Variants in STXBP4 observed in about 807,000 individuals in gnomAD.
STXBP4 encodes syntaxin-binding protein 4.
A neutral mutation model predicts 76.1 loss-of-function variants in STXBP4; 55 were observed. The ratio of observed to expected loss-of-function variants is 0.72; its 90% confidence interval spans 0.58 to 0.91. The LOEUF (loss-of-function observed/expected upper bound fraction) is 0.91. Among genes scored for constraint, STXBP4 ranks in the 40% least tolerant of loss-of-function variants. The probability of loss-of-function intolerance (pLI) is 0.00; values close to 1 mark genes in which losing one functional copy is unlikely to be tolerated. For missense variants in STXBP4, 618 were observed against 636.9 expected (o/e 0.97, Z 0.32); for synonymous variants, 201 against 220.2 (o/e 0.91, Z 0.77).
intron 12 of STXBP4, among the ~76,000 whole-genome samples, chr17:55,071,189 G>C (rs1056912882): frequency 2.0e-5 from 3 of 152,098 alleles, no homozygotes; most frequent in Admixed American, 2.0e-4. Context: ...ATTTAAGTCA[G>C]ATCACATCGA....
chr17:55,077,686 C>CGTGTGTGTGTGTGT (rs10690646), intron 13 of STXBP4, among the ~76,000 whole-genome samples: 13 of 134,084 alleles, frequency 9.7e-5, no homozygotes, highest in East Asian at 4.5e-4. Context: ...TGTCTTACAT[C>CGTGTGTGTGTGTGT]GTGTGTGTGT....
chr17:54,978,773 T>C (rs2077506759), intron 1 of STXBP4, among the ~76,000 whole-genome samples: 2 of 152,124 alleles, frequency 1.3e-5, no homozygotes, highest in South Asian at 4.1e-4. Flanking sequence ...AAGAAGGAAA[T>C]AAAAATAACA....
intron 16 of STXBP4, among the ~76,000 whole-genome samples, chr17:55,107,549 A>T (rs536351603): frequency 6.6e-6 from 1 of 152,222 alleles, no homozygotes; most frequent in South Asian, 2.1e-4. Context: ...GCCTTTTTGC[A>T]CTGGTTTTTC....
intron 8 of STXBP4, among the ~76,000 whole-genome samples, chr17:55,010,380 TTTC>T (rs1185081688): frequency 1.6e-4 from 25 of 152,122 alleles, no homozygotes; most frequent in Admixed American, 1.2e-3. Context: ...GAACTAGTTA[TTTC>T]TTAATTCCTT....
chr17:55,046,868 C>T (rs776847460), intron 11 of STXBP4, among the ~76,000 whole-genome samples: 2 of 151,684 alleles, frequency 1.3e-5, no homozygotes, highest in Non-Finnish European at 2.9e-5. Context: ...TGAGATTTTG[C>T]AAAATTAAGG....
chr17:55,040,929 A>T (rs1320341105), intron 10 of STXBP4, among the ~76,000 whole-genome samples: 1 of 152,216 alleles, frequency 6.6e-6, no homozygotes, highest in African/African-American at 2.4e-5. Flanking sequence ...ATGGAACTAT[A>T]CAAAAAAGTC....
chr17:55,177,686 T>G (rs1367873955), downstream of STXBP4, among the ~76,000 whole-genome samples: 2 of 152,230 alleles, frequency 1.3e-5, no homozygotes, highest in Non-Finnish European at 2.9e-5. Flanking sequence ...CAGGAATTGA[T>G]GAATGGCTGA....
chr17:55,142,103 G>A (rs758949668), intron 17 of STXBP4, among the ~76,000 whole-genome samples: 13 of 152,084 alleles, frequency 8.5e-5, no homozygotes, highest in Non-Finnish European at 1.3e-4. Flanking sequence ...TCTTCTGACC[G>A]CAAGATTCTA....
chr17:55,091,295 T>C lies in STXBP4; in HGVS notation c.1489+10112T>C, dbSNP rs546939061. Among the ~76,000 whole-genome samples, 18 of 152,286 alleles carry C rather than the reference T, an allele frequency of 1.2e-4. No homozygotes were observed. In the South Asian group the frequency reaches 2.3e-3, roughly 19 times the overall value. ...TTAAATATCCATTTGGAAGGTTTTT[T>C]TGAAAGTTAAAATGTTTTTAATGGT... On this transcript the variant is annotated intron_variant, in intron 16 of 17. Transcript: ENST00000376352.
chr17:55,081,810 C>T (rs552438426), intron 16 of STXBP4, among the ~76,000 whole-genome samples: 51 of 152,254 alleles, frequency 3.3e-4, no homozygotes, highest in African/African-American at 1.2e-3. Flanking sequence ...TCACTAGATA[C>T]CCCTAGAGTC....
At chr17:54,992,601 GTGTC>G (rs2077735656) in intron 4 of STXBP4, among the ~76,000 whole-genome samples, 1 of 151,456 alleles carries the variant, frequency 6.6e-6, no homozygotes, top group African/African-American at 2.4e-5. Context: ...GTGTGAGTGT[GTGTC>G]TGTGTGTGTG....
chr17:55,050,268 A>G (rs2078843416), intron 12 of STXBP4, among the ~76,000 whole-genome samples: 1 of 152,128 alleles, frequency 6.6e-6, no homozygotes, highest in African/African-American at 2.4e-5. Flanking sequence ...AAGTTTTAAT[A>G]GTTAAAGAGA....
intron 16 of STXBP4, among the ~76,000 whole-genome samples, chr17:55,101,968 T>G (rs888373031): frequency 1.6e-4 from 9 of 54,670 alleles, no homozygotes; most frequent in African/African-American, 4.0e-4. Flanking sequence ...TACAAATGTT[T>G]TTATAACGAC....
At chr17:55,005,761 A>G (rs11079143) in intron 7 of STXBP4, among the ~76,000 whole-genome samples, 109,016 of 151,976 alleles carry the variant, frequency 0.72, 39,362 homozygotes, top group East Asian at 0.91. Context: ...TTAATTGCAG[A>G]CCAAACACCA....
At chr17:55,071,746 C>A (rs2079122180) in intron 12 of STXBP4, among the ~76,000 whole-genome samples, 2 of 152,158 alleles carry the variant, frequency 1.3e-5, no homozygotes, top group African/African-American at 4.8e-5. Flanking sequence ...AATATGCCAG[C>A]ATTCCTAACC....
At chr17:55,048,692 A>G (rs899194552) in intron 12 of STXBP4, among the ~76,000 whole-genome samples, 1 of 151,892 alleles carries the variant, frequency 6.6e-6, no homozygotes, top group Admixed American at 6.6e-5. Flanking sequence ...ACAAAATCCT[A>G]TCAGAAATGA....
the STXBP4 span, among the ~76,000 whole-genome samples, chr17:55,208,820 G>A: frequency 2.0e-5 from 3 of 152,170 alleles, no homozygotes; most frequent in East Asian, 3.9e-4. Context: ...GGTGACTTAC[G>A]CCTGTAATTC....
Position 54,968,917 on chromosome 17 carries a change from C to T in STXBP4, c.-157+102C>T. The T allele has an allele frequency of 1.5e-5, 6 of 406,706 alleles. No homozygotes were observed. In the South Asian group the frequency reaches 2.0e-4, roughly 13 times the overall value. The allele number at this position is 406,706 out of a possible 1,614,324, so 25.2% of individuals were successfully genotyped here. On this transcript the variant is annotated intron_variant, in intron 1 of 17. Transcript: ENST00000376352. ...TGCGTTTCGCCCGTCCGCGTGCAAG[C>T]TTGCCATCACTTGGGGTTGCGCCTG...
chr17:55,057,271 T>A (rs1030873111), intron 12 of STXBP4, among the ~76,000 whole-genome samples: 5 of 152,218 alleles, frequency 3.3e-5, no homozygotes, highest in African/African-American at 1.2e-4. Context: ...ATCTCTTTCA[T>A]AACTCAGCCA....
Sources: gnomAD v4.1 joint callset for allele counts (sites outside exome capture counted in the v4.1 genomes callset) on GRCh38, gnomAD v4.1.1 for gene constraint, MANE v1.5 for transcripts, NCBI Gene and HGNC (gene_info 2026-07-23, HGNC 2026-07-21) for gene names.